CPT2: variants seen among roughly 807,000 people sequenced by gnomAD.
The protein encoded by CPT2 is carnitine palmitoyltransferase 2, also known as carnitine O-palmitoyltransferase 2, mitochondrial.
Under a neutral mutation model 48.6 loss-of-function variants are expected in CPT2, and 37 were observed. The observed-to-expected ratio is 0.76, with a 90% CI of 0.59 to 1.00. The LOEUF is 1.00. Ranked by LOEUF, CPT2 falls within the 50% of genes least tolerant of loss-of-function variation. The probability of loss-of-function intolerance (pLI) is 0.00; values close to 1 mark genes in which losing one functional copy is unlikely to be tolerated. For synonymous variants in CPT2, 319 were observed against 326.9 expected, an observed-to-expected ratio of 0.98 and a Z score of 0.26; for missense variants, 772 against 825.6, an observed-to-expected ratio of 0.94 and a Z score of 0.80.
Position 53,196,827 on chromosome 1 carries a change from G to A in CPT2, c.-117G>A, listed in dbSNP as rs886046405. ...GGGCCGGAAGTGGCCTGCGGGCGGA[G>A]AAGTGCCTCAGGAGTCCTGACGCAG... On this transcript the variant is annotated 5_prime_UTR_variant, in exon 1 of 5. Transcript: ENST00000371486. The A allele has an allele frequency of 3.3e-5, 44 of 1,340,754 alleles. 1 individual carries two copies. In the South Asian group the frequency reaches 5.3e-4, roughly 16 times the overall value. The allele number at this position is 1,340,754 out of a possible 1,614,324, so 83.1% of individuals were successfully genotyped here.
chr1:53,209,549 G>A (rs1645408057), intron 3 of CPT2: 1 of 194,100 alleles, frequency 5.2e-6, no homozygotes, highest in Admixed American at 5.3e-5. Context: ...GCCGAGGCGG[G>A]TGGATCACCT....
At chr1:53,207,563 G>A (rs1645396220) in intron 3 of CPT2, 1 of 152,262 alleles carries the variant, frequency 6.6e-6, no homozygotes, top group South Asian at 2.1e-4. Context: ...CTGGGTTCAA[G>A]TGATTCTCCT....
At chr1:53,205,797 G>C (rs909816421) in intron 3 of CPT2, among the ~76,000 whole-genome samples, 8 of 152,328 alleles carry the variant, frequency 5.3e-5, no homozygotes, top group African/African-American at 1.4e-4. Flanking sequence ...CACAGCTCTG[G>C]CCATTGCTTC....
Position 53,200,946 on chromosome 1 carries a change from AATAG to A in CPT2, c.233+150_233+153del, listed in dbSNP as rs1290342320. ...TAGTTGTACATCTGCAAGTTCAGGAAATAGATTTTCATTCATGAAGGACTGACCA... is the reference window on the plus strand; with the variant it reads ...TAGTTGTACATCTGCAAGTTCAGGAAATTTTCATTCATGAAGGACTGACCA... On this transcript the variant is annotated intron_variant, in intron 2 of 4. Transcript: ENST00000371486. 7 of 719,170 alleles carry A rather than the reference AATAG, an allele frequency of 9.7e-6. No homozygotes were observed. In the African/African-American group the frequency reaches 1.2e-4, roughly 13 times the overall value. 44.5% of individuals were successfully genotyped at this position (719,170 alleles called of 1,614,324 possible).
chr1:53,211,529 G>A (rs1343107631), intron 4 of CPT2: 2 of 588,332 alleles, frequency 3.4e-6, no homozygotes, highest in African/African-American at 1.9e-5. Flanking sequence ...AAGCAGGGGT[G>A]GGGAAATGCA....
chr1:53,210,454 T>C lies in CPT2; in HGVS notation c.780T>C (p.Asp260=). The C allele has an allele frequency of 6.2e-7, 1 of 1,614,148 alleles. No homozygotes were observed. Among genetic ancestry groups the C allele is most frequent in the East Asian group, 2.2e-5 (1 of 44,886 alleles). Reference sequence around the variant, plus strand: ...ATATCTTTGATGTCCTGGATCAAGATGGGAACATTGTGAGCCCCTCGGAAA... The same window carrying C: ...ATATCTTTGATGTCCTGGATCAAGACGGGAACATTGTGAGCCCCTCGGAAA... The part of the protein sequence containing the change: ...NFYIFDVLDQ[D]GNIVSPSEIQ... The change falls in exon 4 of 5, where the codon GAT becomes GAC. Residue 260 remains aspartate (D), a synonymous_variant. Coordinates refer to ENST00000371486, the MANE Select transcript of CPT2 (RefSeq NM_000098.3).
Position 53,210,284 on chromosome 1 carries a change from GC to G in CPT2, c.612del (p.Tyr205ThrfsTer42), listed in dbSNP as rs777297837. 6.2e-7 allele frequency: 1 copy of G among 1,614,140 alleles called. No individual in the cohort carries two copies. Among genetic ancestry groups the G allele is most frequent in the Non-Finnish European group, 8.5e-7 (1 of 1,180,030 alleles). ...FVPSSLSWYGAYLVNAYPLDM... is the reference protein window; with the variant it reads ...FVPSSLSWYGXYLVNAYPLDM... ...GCCTTCCTCTCTGTCCTGGTATGGGGCCTACCTGGTCAATGCGTATCCCCTG... is the reference window on the plus strand; with the variant it reads ...GCCTTCCTCTCTGTCCTGGTATGGGGCTACCTGGTCAATGCGTATCCCCTG... On this transcript the variant is annotated frameshift_variant, in exon 4 of 5. Coordinates refer to ENST00000371486, the MANE Select transcript of CPT2 (RefSeq NM_000098.3). LOFTEE classifies it high-confidence loss of function.
chr1:53,213,161 C>CAAGGAT, intron 4 of CPT2, 103 bp from the exon 5 acceptor site: 1 of 1,139,484 alleles, frequency 8.8e-7, no homozygotes, highest in South Asian at 1.3e-5. Context: ...CCCCCACTCT[C>CAAGGAT]AAGGATGCTG....
intron 3 of CPT2, among the ~76,000 whole-genome samples, chr1:53,207,321 T>G (rs1645395149): frequency 6.6e-6 from 1 of 152,206 alleles, no homozygotes; most frequent in African/African-American, 2.4e-5. Flanking sequence ...GGGTTGCCCC[T>G]AATGGTAGTG....
intron 3 of CPT2, chr1:53,208,673 C>T (rs1239434572): frequency 6.6e-6 from 1 of 152,170 alleles, no homozygotes; most frequent in African/African-American, 2.4e-5. Context: ...GGAGATGAAG[C>T]AAGAGAAACC....
intron 2 of CPT2, 144 bp from the exon 3 acceptor site, chr1:53,202,179 G>A (rs1478595473): frequency 1.4e-6 from 1 of 690,538 alleles, no homozygotes; most frequent in Non-Finnish European, 2.7e-6. Context: ...TCCTGTTCTG[G>A]TTAGAGGTAC....
At chr1:53,198,592 C>T (rs1318038797) in intron 1 of CPT2, among the ~76,000 whole-genome samples, 1 of 152,232 alleles carries the variant, frequency 6.6e-6, no homozygotes, top group Non-Finnish European at 1.5e-5. Context: ...AACCTGTCTT[C>T]ACTTGCCAAG....
chr1:53,205,459 T>C (rs563461474), intron 3 of CPT2, among the ~76,000 whole-genome samples: 70 of 152,244 alleles, frequency 4.6e-4, no homozygotes, highest in Non-Finnish European at 8.2e-4. Context: ...GGACTTATGT[T>C]TAAAAGGGAA....
chr1:53,202,150 T>C (rs1645357368), intron 2 of CPT2, 173 bp from the exon 3 acceptor site: 2 of 616,450 alleles, frequency 3.2e-6, no homozygotes, highest in Non-Finnish European at 5.9e-6. Context: ...GTAGTCTAGA[T>C]TATCAATTTT....
At chr1:53,200,211 C>G (rs1645346279) in intron 1 of CPT2, 1 of 155,480 alleles carries the variant, frequency 6.4e-6, no homozygotes, top group Non-Finnish European at 1.4e-5. Flanking sequence ...TCGATTCCTA[C>G]CTTTTAGTGA....
intron 1 of CPT2, among the ~76,000 whole-genome samples, chr1:53,198,061 G>A (rs1645334593): frequency 6.6e-6 from 1 of 152,056 alleles, no homozygotes; most frequent in Non-Finnish European, 1.5e-5. Flanking sequence ...TTCGAACTCC[G>A]CTTTCGTCTG....
chr1:53,202,488 G>T, intron 3 of CPT2, 59 bp downstream of exon 3: 1 of 1,347,606 alleles, frequency 7.4e-7, no homozygotes, highest in Non-Finnish European at 1.1e-6. Flanking sequence ...TGAAAAGTAA[G>T]GCATATTCTC....
Position 53,213,277 on chromosome 1 carries a change from C to T in CPT2, c.1659C>T (p.Asp553=). ...TGTTTCTCACAGGCCAGGGCTTTGACCGACACTTGTTTGCTCTGCGGCATC... is the reference window on the plus strand; with the variant it reads ...TGTTTCTCACAGGCCAGGGCTTTGATCGACACTTGTTTGCTCTGCGGCATC... ...TKEAAMGQGF[D]RHLFALRHLA... The change falls in exon 5 of 5, where the codon GAC becomes GAT. Residue 553 remains aspartate, a synonymous_variant. Transcript: ENST00000371486. 6.2e-7 allele frequency: 1 copy of T among 1,614,152 alleles called. No homozygotes were observed. The highest frequency in any genetic ancestry group is 1.3e-5 in the African/African-American group (1 of 75,042).
intron 4 of CPT2, among the ~76,000 whole-genome samples, chr1:53,211,867 A>G (rs1487158760): frequency 6.6e-6 from 1 of 150,406 alleles, no homozygotes; most frequent in Non-Finnish European, 1.5e-5. Flanking sequence ...CCAAAGTTCT[A>G]GGAATACAGG....
Sources: allele counts gnomAD v4.1 joint callset (sites outside exome capture counted in the v4.1 genomes callset), GRCh38; gene constraint gnomAD v4.1.1; transcripts MANE v1.5; gene names NCBI Gene and HGNC (gene_info 2026-07-23, HGNC 2026-07-21).